The following CEP83 variants were observed in gnomAD, a reference collection of about 807,000 sequenced individuals.
The protein encoded by CEP83 is centrosomal protein of 83 kDa.
A neutral mutation model predicts 101.9 loss-of-function variants in CEP83; 70 were observed. The observed-to-expected ratio is 0.69, with a 90% CI of 0.57 to 0.84. The LOEUF (loss-of-function observed/expected upper bound fraction) is 0.84. Among genes scored for constraint, CEP83 ranks in the 40% least tolerant of loss-of-function variants. CEP83 has a pLI of 0.00. For missense variants in CEP83, 715 were observed against 787.2 expected (o/e 0.91, Z 1.10); for synonymous variants, 264 against 267.9 (o/e 0.99, Z 0.14).
chr12:94,271,322 A>G, the CEP83 span, among the ~76,000 whole-genome samples: 4 of 152,242 alleles, frequency 2.6e-5, no homozygotes, highest in African/African-American at 7.2e-5. Flanking sequence ...AGCCAAGAAT[A>G]TGGTTGAGGA....
intron 2 of CEP83, among the ~76,000 whole-genome samples, chr12:94,420,299 G>A (rs2064621282): frequency 6.6e-6 from 1 of 152,052 alleles, no homozygotes; most frequent in African/African-American, 2.4e-5. Flanking sequence ...CTTGAAATGT[G>A]GTATACACAG....
At chr12:94,285,475 G>T in the CEP83 span, among the ~76,000 whole-genome samples, 7 of 152,182 alleles carry the variant, frequency 4.6e-5, no homozygotes, top group Non-Finnish European at 8.8e-5. Context: ...AAAGCTGCAG[G>T]CTAGCAACTT....
intron 6 of CEP83, among the ~76,000 whole-genome samples, chr12:94,387,884 C>CAT (rs1259056841): frequency 6.6e-6 from 1 of 151,602 alleles, no homozygotes; most frequent in Non-Finnish European, 1.5e-5. Context: ...AATGAGATAC[C>CAT]ATCTCACACC....
At chr12:94,357,578 CT>C (rs2060540293) in intron 11 of CEP83, among the ~76,000 whole-genome samples, 1 of 152,300 alleles carries the variant, frequency 6.6e-6, no homozygotes, top group South Asian at 2.1e-4. Context: ...TCCCTCACCC[CT>C]GTACAATGTC....
At chr12:94,413,825 TAC>T (rs56372938) in intron 2 of CEP83, among the ~76,000 whole-genome samples, 34,682 of 140,098 alleles carry the variant, frequency 0.25, 4,009 homozygotes, top group Non-Finnish European at 0.27. Context: ...CCATAATACA[TAC>T]ACACACACAC....
chr12:94,399,535 C>A (rs1314598498), intron 6 of CEP83, among the ~76,000 whole-genome samples: 1 of 152,150 alleles, frequency 6.6e-6, no homozygotes, highest in Non-Finnish European at 1.5e-5. Context: ...CATAGCAAGG[C>A]CCCATCTCTA....
intron 11 of CEP83, among the ~76,000 whole-genome samples, chr12:94,349,476 C>T (rs2060104262): frequency 6.6e-6 from 1 of 152,054 alleles, no homozygotes; most frequent in South Asian, 2.1e-4. Flanking sequence ...ATTACTTTTG[C>T]ACCAACCTAA....
the CEP83 span, among the ~76,000 whole-genome samples, chr12:94,275,501 T>C: frequency 6.6e-6 from 1 of 152,142 alleles, no homozygotes; most frequent in African/African-American, 2.4e-5. Context: ...TTTCCCAGCC[T>C]GGGGGTGGAG....
At chr12:94,280,367 C>T in the CEP83 span, among the ~76,000 whole-genome samples, 1 of 152,202 alleles carries the variant, frequency 6.6e-6, no homozygotes, top group Non-Finnish European at 1.5e-5. Flanking sequence ...ATGGTGGTGA[C>T]AGACAGTGTA....
chr12:94,299,553 C>T, the CEP83 span, among the ~76,000 whole-genome samples: 1 of 146,388 alleles, frequency 6.8e-6, no homozygotes, highest in Non-Finnish European at 1.5e-5. Context: ...CCTTCTCTTC[C>T]TGTGTTCTAG....
chr12:94,322,586 GA>G (rs1046508462), intron 14 of CEP83, among the ~76,000 whole-genome samples: 3 of 152,194 alleles, frequency 2.0e-5, no homozygotes, highest in Non-Finnish European at 4.4e-5. Context: ...AGGGAGGTTT[GA>G]AACTGCTGCT....
chr12:94,440,934 G>A (rs1196749656), intron 1 of CEP83, among the ~76,000 whole-genome samples: 1 of 152,084 alleles, frequency 6.6e-6, no homozygotes, highest in Admixed American at 6.5e-5. Context: ...GTAGAGAAAC[G>A]ACAACCTATT....
intron 11 of CEP83, among the ~76,000 whole-genome samples, chr12:94,341,853 G>T (rs1159847047): frequency 6.6e-6 from 1 of 152,106 alleles, no homozygotes. Context: ...TATCACTATG[G>T]CAACAGAAAC....
chr12:94,450,857 T>C (rs2067199442), intron 1 of CEP83, among the ~76,000 whole-genome samples: 3 of 152,292 alleles, frequency 2.0e-5, no homozygotes, highest in African/African-American at 7.2e-5. Context: ...AACAAGCTGA[T>C]CCTAAATTGT....
At chr12:94,336,093 T>C (rs914739705) in intron 11 of CEP83, among the ~76,000 whole-genome samples, 5 of 152,198 alleles carry the variant, frequency 3.3e-5, no homozygotes, top group Non-Finnish European at 7.4e-5. Flanking sequence ...TGCAAAATTC[T>C]TTCAGACACA....
chr12:94,351,643 A>G (rs139219017), intron 11 of CEP83, among the ~76,000 whole-genome samples: 2,221 of 152,278 alleles, frequency 0.015, 22 homozygotes, highest in Non-Finnish European at 0.023. Context: ...TGGTGCATGC[A>G]GTCCCTAGGG....
At chr12:94,383,248 C>A (rs995020725) in intron 6 of CEP83, among the ~76,000 whole-genome samples, 2 of 151,982 alleles carry the variant, frequency 1.3e-5, no homozygotes, top group African/African-American at 4.8e-5. Context: ...TATTTACAAA[C>A]TGCCTATACT....
At chr12:94,358,720 A>G (rs2060598047) in intron 11 of CEP83, among the ~76,000 whole-genome samples, 1 of 152,250 alleles carries the variant, frequency 6.6e-6, no homozygotes, top group Admixed American at 6.5e-5. Context: ...TTCTCCTGCT[A>G]TAATTCCAAA....
At chr12:94,432,227 T>C (rs1479797334) in intron 2 of CEP83, among the ~76,000 whole-genome samples, 2 of 151,708 alleles carry the variant, frequency 1.3e-5, no homozygotes, top group African/African-American at 2.4e-5. Flanking sequence ...GCTAATTTTT[T>C]TTTTTTTTGT....
Sources: allele counts gnomAD v4.1 joint callset (sites outside exome capture counted in the v4.1 genomes callset), GRCh38; gene constraint gnomAD v4.1.1; transcripts MANE v1.5; gene names NCBI Gene and HGNC (gene_info 2026-07-23, HGNC 2026-07-21).